Variants in PLCL1 observed in about 807,000 individuals in gnomAD.
The protein encoded by PLCL1 is phospholipase C like 1 (inactive), also known as inactive phospholipase C-like protein 1.
A neutral mutation model predicts 84.4 loss-of-function variants in PLCL1; 41 were observed. The observed-to-expected ratio is 0.49, with a 90% confidence interval of 0.38 to 0.63. The LOEUF is 0.63. Among genes scored for constraint, PLCL1 ranks in the 30% least tolerant of loss-of-function variants. The probability of loss-of-function intolerance (pLI) is 0.00; values close to 1 mark genes in which losing one functional copy is unlikely to be tolerated. For synonymous variants in PLCL1, 490 were observed against 488.3 expected, an observed-to-expected ratio of 1.00 and a Z score of -0.05; for missense variants, 1,206 against 1,367.8, an observed-to-expected ratio of 0.88 and a Z score of 1.87.
At chr2:197,981,657 G>A (rs1251048802) in intron 1 of PLCL1, among the ~76,000 whole-genome samples, 1 of 152,180 alleles carries the variant, frequency 6.6e-6, no homozygotes, top group Non-Finnish European at 1.5e-5. Context: ...GAGGGAGGAA[G>A]TTCATCAAGG....
intron 1 of PLCL1, among the ~76,000 whole-genome samples, chr2:197,974,153 G>C (rs758274532): frequency 1.3e-5 from 2 of 152,192 alleles, no homozygotes; most frequent in Non-Finnish European, 2.9e-5. Context: ...GGCTATTTAT[G>C]AGGAGGGAGA....
At chr2:198,105,231 C>T in intron 5 of PLCL1, among the ~76,000 whole-genome samples, 1 of 151,928 alleles carries the variant, frequency 6.6e-6, no homozygotes. Flanking sequence ...ATCTTCTGCA[C>T]ATGACTAGCT....
At chr2:197,807,072 G>A (rs1358247780) in intron 1 of PLCL1, among the ~76,000 whole-genome samples, 6 of 151,984 alleles carry the variant, frequency 3.9e-5, no homozygotes. Context: ...ATTAACATTT[G>A]GTAAATGGCC....
At chr2:197,832,792 A>G (rs1691095682) in intron 1 of PLCL1, among the ~76,000 whole-genome samples, 1 of 152,230 alleles carries the variant, frequency 6.6e-6, no homozygotes, top group Non-Finnish European at 1.5e-5. Flanking sequence ...CACATCAAAA[A>G]GCTTATCCAC....
chr2:197,812,537 A>G (rs1410524832), intron 1 of PLCL1, among the ~76,000 whole-genome samples: 1 of 152,164 alleles, frequency 6.6e-6, no homozygotes, highest in African/African-American at 2.4e-5. Flanking sequence ...ACATTTTTCT[A>G]ATGATTAGTA....
At chr2:198,051,984 A>G (rs1691944302) in intron 1 of PLCL1, among the ~76,000 whole-genome samples, 1 of 151,940 alleles carries the variant, frequency 6.6e-6, no homozygotes, top group Non-Finnish European at 1.5e-5. Context: ...ATCTTGGCTC[A>G]CCACAACCTC....
intron 1 of PLCL1, among the ~76,000 whole-genome samples, chr2:197,972,786 A>T (rs1408666222): frequency 6.6e-6 from 1 of 152,080 alleles, no homozygotes; most frequent in East Asian, 1.9e-4. Flanking sequence ...TGTCAGCAAA[A>T]TTTTTTCCTT....
At chr2:197,894,002 G>A (rs1303038403) in intron 1 of PLCL1, among the ~76,000 whole-genome samples, 1 of 151,810 alleles carries the variant, frequency 6.6e-6, no homozygotes, top group Admixed American at 6.6e-5. Context: ...TGGGAGAAGG[G>A]TGATGGAGTG....
intron 1 of PLCL1, among the ~76,000 whole-genome samples, chr2:197,988,316 T>C (rs1035593209): frequency 1.3e-5 from 2 of 152,236 alleles, no homozygotes; most frequent in Non-Finnish European, 2.9e-5. Context: ...TCTGAGATTT[T>C]AGTGTACCTA....
At chr2:197,992,887 G>A (rs183612265) in intron 1 of PLCL1, among the ~76,000 whole-genome samples, 1 of 152,094 alleles carries the variant, frequency 6.6e-6, no homozygotes, top group Non-Finnish European at 1.5e-5. Context: ...GATAATATCC[G>A]CATTTTGTTT....
At chr2:197,909,268 G>A (rs925891162) in intron 1 of PLCL1, among the ~76,000 whole-genome samples, 6 of 151,940 alleles carry the variant, frequency 3.9e-5, no homozygotes, top group African/African-American at 1.5e-4. Flanking sequence ...AACCTTTCTT[G>A]CCCATTCTGG....
Position 197,991,192 on chromosome 2 carries a change from G to A in PLCL1, c.241-92566G>A, listed in dbSNP as rs191253698. On this transcript the variant is annotated intron_variant, in intron 1 of 5. Coordinates refer to ENST00000428675, the MANE Select transcript of PLCL1 (RefSeq NM_006226.4). ...AAAGGAAAGAGAAACTCACCCTTTC[G>A]CTTCGTGCCTTCTTGCTTGAGTTGG... Among the ~76,000 whole-genome samples, 565 of 152,178 alleles carry A rather than the reference G, an allele frequency of 3.7e-3. 5 individuals are homozygous for A. Among genetic ancestry groups the A allele is most frequent in the African/African-American group, 0.013 (538 of 41,528 alleles).
intron 5 of PLCL1, among the ~76,000 whole-genome samples, chr2:198,116,744 T>C (rs572705621): frequency 6.6e-6 from 1 of 152,040 alleles, no homozygotes; most frequent in East Asian, 1.9e-4. Flanking sequence ...AGTCGTTATG[T>C]AGAAGCTCCA....
chr2:198,100,089 T>G (rs1253937136), intron 3 of PLCL1, among the ~76,000 whole-genome samples: 1 of 152,036 alleles, frequency 6.6e-6, no homozygotes. Context: ...CAGTAATAAA[T>G]AAAATGTTTT....
intron 1 of PLCL1, among the ~76,000 whole-genome samples, chr2:197,897,276 A>G (rs1227849080): frequency 7.1e-6 from 1 of 141,348 alleles, no homozygotes; most frequent in Non-Finnish European, 1.6e-5. Context: ...TTAACTTGTT[A>G]TATGTTGTAT....
At chr2:198,030,858 A>G (rs529361717) in intron 1 of PLCL1, among the ~76,000 whole-genome samples, 11 of 152,202 alleles carry the variant, frequency 7.2e-5, no homozygotes, top group African/African-American at 2.6e-4. Flanking sequence ...TAGGCACCTG[A>G]GCTATTGAGT....
intron 5 of PLCL1, 56 bp downstream of exon 5, chr2:198,103,992 C>A: frequency 1.3e-6 from 1 of 799,260 alleles, no homozygotes; most frequent in Non-Finnish European, 2.0e-6. Context: ...CCTCATCTCT[C>A]CAATGTGTAG....
At chr2:197,981,807 G>A (rs1690113746) in intron 1 of PLCL1, among the ~76,000 whole-genome samples, 1 of 152,190 alleles carries the variant, frequency 6.6e-6, no homozygotes, top group African/African-American at 2.4e-5. Flanking sequence ...CTGCAGGAAA[G>A]AAGCTTAGAA....
At chr2:198,045,329 A>G (rs887390659) in intron 1 of PLCL1, among the ~76,000 whole-genome samples, 3 of 152,146 alleles carry the variant, frequency 2.0e-5, no homozygotes, top group African/African-American at 7.2e-5. Context: ...GATTTGCTTT[A>G]ATCTCCCAGT....
Sources: gnomAD v4.1 joint callset for allele counts (sites outside exome capture counted in the v4.1 genomes callset) on GRCh38, gnomAD v4.1.1 for gene constraint, MANE v1.5 for transcripts, NCBI Gene and HGNC (gene_info 2026-07-23, HGNC 2026-07-21) for gene names.